Variants in ANKS1B observed in about 807,000 individuals in gnomAD.
ANKS1B encodes the protein ankyrin repeat and sterile alpha motif domain containing 1B, also known as ankyrin repeat and sterile alpha motif domain-containing protein 1B.
ANKS1B carries 36 observed loss-of-function variants against 148.3 expected under a neutral mutation model. The ratio of observed to expected loss-of-function variants is 0.24; its 90% confidence interval spans 0.19 to 0.32. ANKS1B has a LOEUF of 0.32. Ranked by LOEUF, ANKS1B falls within the 10% of genes least tolerant of loss-of-function variation. ANKS1B has a pLI of 1.00. For missense variants in ANKS1B, 1,157 were observed against 1,542.6 expected (o/e 0.75, Z 4.19); for synonymous variants, 542 against 560.8 (o/e 0.97, Z 0.47).
chr12:99,611,491 CTGTAA>C (rs1226831556), intron 9 of ANKS1B, among the ~76,000 whole-genome samples: 1 of 152,124 alleles, frequency 6.6e-6, no homozygotes, highest in Non-Finnish European at 1.5e-5. Flanking sequence ...GGATAACTTT[CTGTAA>C]GTGCCTCCCT....
At chr12:99,233,921 T>C (rs1468638370) in intron 14 of ANKS1B, among the ~76,000 whole-genome samples, 1 of 152,136 alleles carries the variant, frequency 6.6e-6, no homozygotes, top group Non-Finnish European at 1.5e-5. Flanking sequence ...ATAAAATATC[T>C]GACATTAGAA....
At chr12:99,402,589 C>A (rs1200904524) in intron 11 of ANKS1B, among the ~76,000 whole-genome samples, 2 of 145,766 alleles carry the variant, frequency 1.4e-5, no homozygotes, top group East Asian at 3.9e-4. Context: ...TCTGCTCCTG[C>A]ATTAGTTCAC....
At chr12:99,112,378 C>T (rs981029784) in intron 15 of ANKS1B, among the ~76,000 whole-genome samples, 1 of 151,910 alleles carries the variant, frequency 6.6e-6, no homozygotes. Context: ...ATGCTTCATA[C>T]ATTTTATATC....
At chr12:98,948,627 C>T (rs2099848931) in intron 17 of ANKS1B, among the ~76,000 whole-genome samples, 1 of 152,144 alleles carries the variant, frequency 6.6e-6, no homozygotes, top group Non-Finnish European at 1.5e-5. Flanking sequence ...GGAAGCGACA[C>T]TAAATCCTTT....
intron 1 of ANKS1B, among the ~76,000 whole-genome samples, chr12:99,853,162 T>C (rs2088269273): frequency 6.6e-6 from 1 of 152,070 alleles, no homozygotes; most frequent in Non-Finnish European, 1.5e-5. Flanking sequence ...GACAATCTCT[T>C]AGGAGCGCTA....
chr12:99,322,178 A>G (rs1303973564), intron 12 of ANKS1B, among the ~76,000 whole-genome samples: 1 of 151,432 alleles, frequency 6.6e-6, no homozygotes, highest in East Asian at 2.1e-4. Flanking sequence ...ATGCAGCCAT[A>G]AAAAAATGAG....
intron 1 of ANKS1B, among the ~76,000 whole-genome samples, chr12:99,904,387 TCA>T (rs1473196837): frequency 1.3e-5 from 2 of 152,030 alleles, no homozygotes; most frequent in Non-Finnish European, 2.9e-5. Flanking sequence ...AAGAGGGGTT[TCA>T]CCATGTTGGC....
chr12:99,574,213 T>C (rs1181960486), intron 9 of ANKS1B, among the ~76,000 whole-genome samples: 2 of 152,152 alleles, frequency 1.3e-5, no homozygotes, highest in African/African-American at 4.8e-5. Flanking sequence ...CAACTTCTTT[T>C]GTTCCACCTT....
At chr12:99,425,276 A>G (rs145067418) in intron 11 of ANKS1B, among the ~76,000 whole-genome samples, 1,707 of 152,064 alleles carry the variant, frequency 0.011, 43 homozygotes, top group African/African-American at 0.036. Context: ...CATATAATTA[A>G]GTTATTCATA....
At chr12:99,139,244 C>A (rs1409149382) in intron 15 of ANKS1B, among the ~76,000 whole-genome samples, 1 of 145,776 alleles carries the variant, frequency 6.9e-6, no homozygotes, top group Admixed American at 6.9e-5. Flanking sequence ...TTCCTTCTCT[C>A]TTTCTTTCTT....
chr12:99,968,637 A>C (rs1423955684), intron 1 of ANKS1B, among the ~76,000 whole-genome samples: 1 of 152,232 alleles, frequency 6.6e-6, no homozygotes, highest in Non-Finnish European at 1.5e-5. Context: ...GAAAGGAATG[A>C]GGACAAATAA....
chr12:98,794,368 G>C (rs929687248), intron 22 of ANKS1B: 1 of 219,578 alleles, frequency 4.6e-6, no homozygotes, highest in African/African-American at 2.7e-5. Context: ...CTCCAGCCTG[G>C]GTGACAAGAG....
chr12:99,939,091 T>G (rs2094852810), intron 1 of ANKS1B, among the ~76,000 whole-genome samples: 1 of 151,704 alleles, frequency 6.6e-6, no homozygotes, highest in African/African-American at 2.4e-5. Context: ...TGAAGGTTCT[T>G]TTTTAAAAAA....
chr12:99,815,397 A>G (rs1435470466), intron 2 of ANKS1B, among the ~76,000 whole-genome samples: 1 of 151,864 alleles, frequency 6.6e-6, no homozygotes. Flanking sequence ...CTAAGATCCT[A>G]ACTACACATT....
At chr12:98,752,901 C>T (rs2153404594) in intron 25 of ANKS1B, among the ~76,000 whole-genome samples, 2 of 152,316 alleles carry the variant, frequency 1.3e-5, no homozygotes, top group Middle Eastern at 6.8e-3. Context: ...ATTCAGTGAA[C>T]ATCTACGAAA....
intron 8 of ANKS1B, among the ~76,000 whole-genome samples, chr12:99,726,669 G>A (rs1439827602): frequency 6.6e-6 from 1 of 151,980 alleles, no homozygotes; most frequent in African/African-American, 2.4e-5. Flanking sequence ...ACCAAAACTG[G>A]GCAGAGACAC....
intron 8 of ANKS1B, among the ~76,000 whole-genome samples, chr12:99,731,280 A>G (rs2059121022): frequency 6.6e-6 from 1 of 152,054 alleles, no homozygotes. Context: ...CACCACACCC[A>G]GATAATTTTT....
intron 15 of ANKS1B, among the ~76,000 whole-genome samples, chr12:99,128,032 G>C (rs2064933374): frequency 6.6e-6 from 1 of 152,084 alleles, no homozygotes; most frequent in African/African-American, 2.4e-5. Context: ...AACGACCTTG[G>C]GCAAGTTGTT....
At chr12:98,805,564 C>T (rs1165970846) in intron 20 of ANKS1B, among the ~76,000 whole-genome samples, 1 of 152,184 alleles carries the variant, frequency 6.6e-6, no homozygotes, top group Non-Finnish European at 1.5e-5. Context: ...TAAACATTCT[C>T]TTATACCAAC....
Sources: gnomAD v4.1 joint callset for allele counts (sites outside exome capture counted in the v4.1 genomes callset) on GRCh38, gnomAD v4.1.1 for gene constraint, MANE v1.5 for transcripts, NCBI Gene and HGNC (gene_info 2026-07-23, HGNC 2026-07-21) for gene names.